Variants in CTBP1 observed in about 807,000 individuals in gnomAD.
CTBP1 encodes the protein C-terminal-binding protein 1.
CTBP1 carries 11 observed loss-of-function variants against 42.1 expected under a neutral mutation model. The ratio of observed to expected loss-of-function variants is 0.26; its 90% confidence interval spans 0.16 to 0.43. The LOEUF is 0.43. Ranked by LOEUF, CTBP1 falls within the 20% of genes least tolerant of loss-of-function variation. The probability of loss-of-function intolerance (pLI) is 1.00; values close to 1 mark genes in which losing one functional copy is unlikely to be tolerated. For synonymous variants in CTBP1, 324 were observed against 277.1 expected (o/e 1.17, Z -1.68); for missense variants, 399 against 624.3 (o/e 0.64, Z 3.85).
intron 1 of CTBP1, 41 bp downstream of exon 1, chr4:1,248,875 C>T (rs1211112332): frequency 2.1e-6 from 2 of 951,246 alleles, no homozygotes; most frequent in Non-Finnish European, 2.5e-6. Context: ...CCCCGCCCCG[C>T]CCCCGCCCGC....
chr4:1,221,420 G>C (rs915565794), intron 5 of CTBP1: 1 of 154,252 alleles, frequency 6.5e-6, no homozygotes, highest in East Asian at 1.9e-4. Flanking sequence ...CCCAAGAGAC[G>C]TGAGTCTATG....
chr4:1,243,288 C>T (rs915697814), intron 1 of CTBP1: 11 of 985,322 alleles, frequency 1.1e-5, no homozygotes, highest in African/African-American at 1.7e-5. Flanking sequence ...GAAGGCCACC[C>T]TGGCCCTCCT....
intron 5 of CTBP1, among the ~76,000 whole-genome samples, chr4:1,222,690 G>A (rs755793714): frequency 6.6e-6 from 1 of 152,126 alleles, no homozygotes; most frequent in African/African-American, 2.4e-5. Context: ...TCCCGACCTG[G>A]GTGTTCCAAC....
At chr4:1,239,492 C>T (rs991748256) in intron 2 of CTBP1, among the ~76,000 whole-genome samples, 1 of 152,242 alleles carries the variant, frequency 6.6e-6, no homozygotes, top group African/African-American at 2.4e-5. Flanking sequence ...CACGCTCGGC[C>T]CAGTCTCCCG....
chr4:1,215,901 G>T (rs1729056045), intron 6 of CTBP1, 90 bp downstream of exon 6: 1 of 1,387,372 alleles, frequency 7.2e-7, no homozygotes, highest in African/African-American at 1.4e-5. Context: ...TCTTGCCCAG[G>T]TGCAGATGGC....
intron 2 of CTBP1, among the ~76,000 whole-genome samples, chr4:1,240,234 GT>G (rs1294222478): frequency 7.7e-6 from 1 of 129,498 alleles, no homozygotes; most frequent in Non-Finnish European, 1.7e-5. Context: ...TCGGAACCGT[GT>G]GGGGCACTCC....
At position 1,235,019 on chromosome 4, in the gene CTBP1, T is replaced by G. The variant is rs564592304; in HGVS notation, c.162+3164A>C. The G allele has an allele frequency of 6.6e-6, 1 of 152,370 alleles. No homozygotes were observed. The highest frequency in any genetic ancestry group is 1.9e-4 in the East Asian group (1 of 5,188). 9.4% of individuals were successfully genotyped at this position (152,370 alleles called of 1,614,324 possible). A position where few individuals can be genotyped will look rare whatever the true frequency, so the allele number is the denominator to read the frequency against. On this transcript the variant is annotated intron_variant, in intron 3 of 9. Coordinates refer to ENST00000382952, the MANE Select transcript of CTBP1 (RefSeq NM_001012614.2). This position sits in a 1 kb window ranked among gnomAD's most constrained non-coding sequence, Gnocchi z 4.2. ...GTGTGCACCCCTTGAAACCAGCTTCTTCACTCGCCATCATGCTGCCGAGAT... is the reference window on the plus strand; with the variant it reads ...GTGTGCACCCCTTGAAACCAGCTTCGTCACTCGCCATCATGCTGCCGAGAT...
rs1188889788 is a variant in CTBP1, at chr4:1,238,902, A to G, written c.8-565T>C. 6.6e-6 allele frequency among the ~76,000 whole-genome samples: 1 copy of G among 152,034 alleles called. No individual in the cohort carries two copies. Among genetic ancestry groups the G allele is most frequent in the Non-Finnish European group, 1.5e-5 (1 of 68,008 alleles). ...AGGACACTGGAGGACACAAGATGAC[A>G]GCACGGGACTTTGGGAACATGGTTG... is the stretch of plus-strand genomic sequence containing the variant. On this transcript the variant is annotated intron_variant, in intron 2 of 9. Coordinates refer to ENST00000382952, the MANE Select transcript of CTBP1 (RefSeq NM_001012614.2). This position sits in a 1 kb window ranked among gnomAD's most constrained non-coding sequence, Gnocchi z 5.9.
At chr4:1,243,251 G>C in intron 1 of CTBP1, 1 of 985,394 alleles carries the variant, frequency 1.0e-6, no homozygotes, top group Non-Finnish European at 1.2e-6. Flanking sequence ...GCCCACACCT[G>C]TGTCTCTGAG....
intron 1 of CTBP1, chr4:1,242,208 A>C: frequency 1.0e-6 from 1 of 985,418 alleles, no homozygotes; most frequent in African/African-American, 1.7e-5. Flanking sequence ...GGGGCCCCTG[A>C]GAGGGCCAAG....
Position 1,233,513 on chromosome 4 carries a change from G to C in CTBP1, c.162+4670C>G, listed in dbSNP as rs1731176783. Among the ~76,000 whole-genome samples, 1 of 152,118 alleles carries C rather than the reference G, an allele frequency of 6.6e-6. No homozygotes were observed. The highest frequency in any genetic ancestry group is 2.4e-5 in the African/African-American group (1 of 41,420). On this transcript the variant is annotated intron_variant, in intron 3 of 9. Transcript: ENST00000382952. This position sits in a 1 kb window ranked among gnomAD's most constrained non-coding sequence, Gnocchi z 4.6. ...GGCCCCGCAGCCCACACCGGACGCAGCCTCCAGGCTCCAGGGCTTCCTTTT... is the reference window on the plus strand; with the variant it reads ...GGCCCCGCAGCCCACACCGGACGCACCCTCCAGGCTCCAGGGCTTCCTTTT...
chr4:1,242,201 G>A (rs1732249191), intron 1 of CTBP1: 1 of 985,312 alleles, frequency 1.0e-6, no homozygotes, highest in Non-Finnish European at 1.2e-6. Context: ...GGGGCAGGGG[G>A]CCCCTGAGAG....
chr4:1,219,690 G>A (rs1471843474), intron 5 of CTBP1, among the ~76,000 whole-genome samples: 1 of 152,258 alleles, frequency 6.6e-6, no homozygotes, highest in Non-Finnish European at 1.5e-5. Flanking sequence ...GTGTGTGCAA[G>A]AGAAAATTCA....
intron 4 of CTBP1, 66 bp from the exon 5 acceptor site, chr4:1,225,632 C>T (rs889646455): frequency 7.4e-5 from 107 of 1,453,894 alleles, no homozygotes; most frequent in Middle Eastern, 5.8e-4. Context: ...ACACCGGGGC[C>T]GCCGTGACTG....
intron 3 of CTBP1, among the ~76,000 whole-genome samples, chr4:1,230,377 C>G (rs1730840625): frequency 6.6e-6 from 1 of 152,214 alleles, no homozygotes. Context: ...GGCAGCCTGG[C>G]AAAGCAGCCG....
rs901112646 is a variant in CTBP1, at chr4:1,222,367, C to T, written c.514+2993G>A. On this transcript the variant is annotated intron_variant, in intron 5 of 9. Coordinates refer to ENST00000382952, the MANE Select transcript of CTBP1 (RefSeq NM_001012614.2). Reference sequence around the variant, plus strand: ...TCCTCAGCTCCCGAGGCCGAGGGAGCGCTGACCTGGCCTGGTTCATCACAA... The same window carrying T: ...TCCTCAGCTCCCGAGGCCGAGGGAGTGCTGACCTGGCCTGGTTCATCACAA... Among the ~76,000 whole-genome samples, 3 of 152,228 alleles carry T rather than the reference C, an allele frequency of 2.0e-5. No individual in the cohort carries two copies. In the Middle Eastern group the frequency reaches 0.01, roughly 518 times the overall value.
Position 1,248,899 on chromosome 4 carries a change from C to A in CTBP1, c.-189+17G>T. On this transcript the variant is annotated intron_variant, in intron 1 of 9. Transcript: ENST00000382952. The stretch of plus-strand genomic sequence containing the variant: ...GCCCCCGCCCGCGGCCGGAAACGCG[C>A]GCGCGCGCGGCCTTACCAAGCGGCA... 2 of 978,740 alleles carry A rather than the reference C, an allele frequency of 2.0e-6. No individual in the cohort carries two copies. The highest frequency in any genetic ancestry group is 2.4e-6 in the Non-Finnish European group (2 of 825,842). 60.6% of individuals were successfully genotyped at this position (978,740 alleles called of 1,614,324 possible).
chr4:1,229,354 G>A (rs968065803), intron 3 of CTBP1, among the ~76,000 whole-genome samples: 12 of 152,350 alleles, frequency 7.9e-5, no homozygotes, highest in African/African-American at 2.6e-4. Flanking sequence ...GCCCACCCAC[G>A]GGTGCAGAGA....
intron 3 of CTBP1, among the ~76,000 whole-genome samples, chr4:1,230,776 C>A (rs959241511): frequency 6.6e-6 from 1 of 152,250 alleles, no homozygotes; most frequent in Admixed American, 6.5e-5. Context: ...AATATTCATC[C>A]GCGCAGCCTT....
Sources: gnomAD v4.1 joint callset for allele counts (sites outside exome capture counted in the v4.1 genomes callset) on GRCh38, gnomAD v4.1.1 for gene constraint, Gnocchi (gnomAD v3.1) non-coding constraint, MANE v1.5 for transcripts, NCBI Gene and HGNC (gene_info 2026-07-23, HGNC 2026-07-21) for gene names.